AFF3: variants seen among roughly 807,000 people sequenced by gnomAD.
AFF3 encodes the protein AF4/FMR2 family member 3.
A neutral mutation model predicts 129.7 loss-of-function variants in AFF3; 32 were observed. The ratio of observed to expected loss-of-function variants is 0.25; its 90% CI spans 0.19 to 0.33. The LOEUF is 0.33. Among genes scored for constraint, AFF3 ranks in the 10% least tolerant of loss-of-function variants. The pLI, the probability that AFF3 is intolerant of heterozygous loss-of-function variation, is 1.00. For missense variants in AFF3, 1,373 were observed against 1,592.0 expected (o/e 0.86, Z 2.34); for synonymous variants, 644 against 635.4 (o/e 1.01, Z -0.20).
chr2:100,011,640 G>C, intron 4 of AFF3: 2 of 772,506 alleles, frequency 2.6e-6, no homozygotes, highest in South Asian at 1.3e-5. Context: ...GTATCTTAGC[G>C]TGCATGAGTC....
chr2:99,916,299 T>C (rs1025171315), intron 7 of AFF3, among the ~76,000 whole-genome samples: 2 of 152,170 alleles, frequency 1.3e-5, no homozygotes, highest in African/African-American at 2.4e-5. Flanking sequence ...TATCACCTCA[T>C]CCCTCACCCT....
intron 7 of AFF3, among the ~76,000 whole-genome samples, chr2:99,963,470 G>C (rs1677427064): frequency 6.6e-6 from 1 of 152,072 alleles, no homozygotes; most frequent in Non-Finnish European, 1.5e-5. Flanking sequence ...AAAGGATAAA[G>C]ATACCCAAAT....
At chr2:99,906,174 C>A (rs973926029) in intron 7 of AFF3, among the ~76,000 whole-genome samples, 1 of 152,152 alleles carries the variant, frequency 6.6e-6, no homozygotes, top group African/African-American at 2.4e-5. Flanking sequence ...TAAAATGTAC[C>A]AAACCATAAC....
chr2:99,946,655 C>T (rs1036660841), intron 7 of AFF3, among the ~76,000 whole-genome samples: 1 of 152,024 alleles, frequency 6.6e-6, no homozygotes, highest in Non-Finnish European at 1.5e-5. Context: ...AGAAAATTAA[C>T]TTGGGGTACC....
intron 7 of AFF3, among the ~76,000 whole-genome samples, chr2:99,949,889 T>C (rs942394799): frequency 6.6e-6 from 1 of 152,218 alleles, no homozygotes; most frequent in Admixed American, 6.5e-5. Flanking sequence ...GGGAAATATG[T>C]GGATTCCATT....
Position 99,547,155 on chromosome 2 carries a change from G to A in AFF3, c.*4319C>T. 4.6e-6 allele frequency: 1 copy of A among 218,516 alleles called. No homozygotes were observed. The highest frequency in any genetic ancestry group is 9.2e-6 in the Non-Finnish European group (1 of 108,774). 13.5% of individuals were successfully genotyped at this position (218,516 alleles called of 1,614,324 possible). ...TTTCGAGATTATAAACTGGGAGCCA[G>A]AACAACTGACTTGAACGTATTTTGA... On this transcript the variant is annotated 3_prime_UTR_variant, in exon 25 of 25. Coordinates refer to ENST00000672756, the MANE Select transcript of AFF3 (RefSeq NM_001386135.1).
intron 8 of AFF3, among the ~76,000 whole-genome samples, chr2:99,826,882 G>GT (rs1265344381): frequency 6.6e-6 from 1 of 151,654 alleles, no homozygotes; most frequent in Non-Finnish European, 1.5e-5. Flanking sequence ...TGGCAAGCAG[G>GT]TCTCTGGAGT....
At chr2:99,839,902 A>G (rs1272803772) in intron 7 of AFF3, among the ~76,000 whole-genome samples, 1 of 152,162 alleles carries the variant, frequency 6.6e-6, no homozygotes, top group Admixed American at 6.5e-5. Flanking sequence ...GAGCCACCAG[A>G]TCTGCATTTT....
At chr2:99,860,885 T>C (rs1308173938) in intron 7 of AFF3, among the ~76,000 whole-genome samples, 1 of 152,214 alleles carries the variant, frequency 6.6e-6, no homozygotes, top group African/African-American at 2.4e-5. Context: ...TGAGTTTGTA[T>C]ACATGTACAG....
intron 7 of AFF3, among the ~76,000 whole-genome samples, chr2:99,998,113 AGGGT>A (rs1204895709): frequency 6.6e-6 from 1 of 152,218 alleles, no homozygotes; most frequent in African/African-American, 2.4e-5. Flanking sequence ...TGTCTGGTAA[AGGGT>A]GGCATGACCC....
At chr2:99,689,868 C>G (rs1366685504) in intron 11 of AFF3, among the ~76,000 whole-genome samples, 1 of 151,628 alleles carries the variant, frequency 6.6e-6, no homozygotes, top group South Asian at 2.1e-4. Context: ...AGGTGGATCA[C>G]CTGAGGTCAG....
chr2:99,666,000 T>A lies in AFF3; in HGVS notation c.1143+6538A>T, dbSNP rs13416488. On this transcript the variant is annotated intron_variant, in intron 12 of 24. Transcript: ENST00000672756. The stretch of plus-strand genomic sequence containing the variant: ...TTCTGGTAAAGAGATGGGGTCATAA[T>A]GAGATCAAAAGAACAAGTCTCTATG... Among the ~76,000 whole-genome samples the A allele has an allele frequency of 1.2e-3, 177 of 152,294 alleles. 1 individual carries two copies. Among genetic ancestry groups the A allele is most frequent in the African/African-American group, 4.0e-3 (167 of 41,564 alleles).
chr2:100,067,251 G>A (rs1043948226), intron 4 of AFF3, among the ~76,000 whole-genome samples: 27 of 151,184 alleles, frequency 1.8e-4, no homozygotes, highest in Non-Finnish European at 1.8e-4. Flanking sequence ...AACCCCTTTC[G>A]TCCCAGGACT....
At chr2:100,033,624 T>TCC (rs2104979360) in intron 4 of AFF3, among the ~76,000 whole-genome samples, 1 of 152,320 alleles carries the variant, frequency 6.6e-6, no homozygotes. Flanking sequence ...AGAATTTTTA[T>TCC]TTCTAATATT....
At chr2:99,802,143 A>C (rs1257097106) in intron 8 of AFF3, among the ~76,000 whole-genome samples, 2 of 152,248 alleles carry the variant, frequency 1.3e-5, no homozygotes, top group Non-Finnish European at 2.9e-5. Flanking sequence ...CTCACTACTT[A>C]GGCCTTCTAA....
At chr2:99,743,413 G>C (rs184791030) in intron 10 of AFF3, among the ~76,000 whole-genome samples, 453 of 152,300 alleles carry the variant, frequency 3.0e-3, no homozygotes, top group Middle Eastern at 0.01. Context: ...TTAGCTTGCT[G>C]GCTGGTCGTG....
chr2:99,658,066 A>G (rs10167100), intron 12 of AFF3, among the ~76,000 whole-genome samples: 86,932 of 152,052 alleles, frequency 0.57, 25,450 homozygotes, highest in African/African-American at 0.7. Flanking sequence ...GCTCTTCTAG[A>G]CTCTGGAGGC....
Position 99,931,763 on chromosome 2 carries a change from G to T in AFF3, c.873+74869C>A, listed in dbSNP as rs543467071. ...GTCTCTACTGAAAATACAAAAATTA[G>T]CCAGGCATGGTGGCGGGTTCCTGTA... On this transcript the variant is annotated intron_variant, in intron 7 of 24. Coordinates refer to ENST00000672756, the MANE Select transcript of AFF3 (RefSeq NM_001386135.1). Among the ~76,000 whole-genome samples the T allele has an allele frequency of 3.9e-5, 6 of 152,266 alleles. No homozygotes were observed. The East Asian group carries it at 1.2e-3, about 29-fold the overall frequency.
intron 4 of AFF3, among the ~76,000 whole-genome samples, chr2:100,052,842 C>T (rs1003946110): frequency 2.6e-5 from 4 of 152,222 alleles, no homozygotes; most frequent in Non-Finnish European, 5.9e-5. Context: ...TTCCTCCAGC[C>T]GCCTTCCCCA....
Sources: allele counts gnomAD v4.1 joint callset (sites outside exome capture counted in the v4.1 genomes callset), GRCh38; gene constraint gnomAD v4.1.1; transcripts MANE v1.5; gene names NCBI Gene and HGNC (gene_info 2026-07-23, HGNC 2026-07-21).